ATP7A: variants seen among roughly 807,000 people sequenced by gnomAD.
ATP7A encodes ATPase copper transporting alpha.
Under a neutral mutation model 83.5 loss-of-function variants are expected in ATP7A, and 7 were observed. That is an observed-to-expected ratio of 0.08 (90% CI 0.05 to 0.16). The LOEUF is 0.16. Ranked by LOEUF, ATP7A falls within the 10% of genes least tolerant of loss-of-function variation. The pLI is 1.00. For synonymous variants in ATP7A, 354 were observed against 395.2 expected, an observed-to-expected ratio of 0.90 and a Z score of 1.24; for missense variants, 940 against 1,120.8, an observed-to-expected ratio of 0.84 and a Z score of 2.30.
chrX:78,009,115 C>A lies in ATP7A; in HGVS notation c.1721C>A (p.Thr574Lys), dbSNP rs782076879. 2.5e-6 allele frequency: 3 copies of A among 1,209,446 alleles called. No homozygotes were observed. The highest frequency in any genetic ancestry group is 3.4e-6 in the Non-Finnish European group (3 of 894,362). ...GVLELVVRGM[T>K]CASCVHKIES... ...TGTCTTTAACAGGTGAGGGGAATGACGTGTGCCTCCTGCGTACATAAAATA... is the reference window on the plus strand; with the variant it reads ...TGTCTTTAACAGGTGAGGGGAATGAAGTGTGCCTCCTGCGTACATAAAATA... Residue 574 changes from threonine (T) to lysine (K), a missense_variant, in exon 7 of 23, where the codon ACG becomes AAG. This residue lies in a region of ATP7A where 350 missense variants were observed against 432.8 expected (regional missense o/e 0.81). Transcript: ENST00000341514.
At chrX:77,996,820 A>C (rs1049593502) in intron 4 of ATP7A, among the ~76,000 whole-genome samples, 2 of 111,676 alleles carry the variant, frequency 1.8e-5, no homozygotes, top group Admixed American at 9.6e-5. Context: ...AAGTCTCAAT[A>C]GTAATTATGA....
rs916778078 is a variant in ATP7A, at chrX:78,009,035, A to T, written c.1708-67A>T. 14 of 1,060,379 alleles carry T rather than the reference A, an allele frequency of 1.3e-5. No individual in the cohort carries two copies. The South Asian group carries it at 2.2e-4, about 17-fold the overall frequency. 87.4% of individuals were successfully genotyped at this position (1,060,379 alleles called of 1,213,427 possible). The stretch of plus-strand genomic sequence containing the variant: ...TCTGTCTCAAAAAAAAAAAAAAAAA[A>T]GTGGTAACTCATGTTTAATGGTGGA... On this transcript the variant is annotated intron_variant, in intron 6 of 22. Transcript: ENST00000341514.
chrX:77,975,476 G>A (rs2077571481), intron 2 of ATP7A: 1 of 90,999 alleles, frequency 1.1e-5, no homozygotes, highest in Non-Finnish European at 2.1e-5. Flanking sequence ...TAAATATTAT[G>A]CTTACTTTTT....
At chrX:77,972,255 A>T (rs782396774) in intron 2 of ATP7A, among the ~76,000 whole-genome samples, 39 of 111,127 alleles carry the variant, frequency 3.5e-4, no homozygotes, top group Admixed American at 1.5e-3. Flanking sequence ...GCAGTGGCAA[A>T]ATCACAGCTC....
intron 1 of ATP7A, among the ~76,000 whole-genome samples, chrX:77,950,947 G>A (rs781851427): frequency 8.1e-5 from 9 of 110,616 alleles, no homozygotes; most frequent in Non-Finnish European, 1.7e-4. Context: ...ACTTGAACCC[G>A]AGAGGTGGAG....
chrX:78,038,857 AT>A lies in ATP7A; in HGVS notation c.3534del (p.Tyr1178Ter). On this transcript the variant is annotated frameshift_variant, in exon 18 of 23. Transcript: ENST00000341514. LOFTEE classifies it high-confidence loss of function. The part of the protein sequence containing the change: ...QISNALNAQQ[Y>X]KVLIGNREWM... ...TCAGATGCTCTTAATGCTCAGCAGT[AT>A]AAAGTCCTCATTGGTAACCGGGAGT... 1 of 1,210,905 alleles carries A rather than the reference AT, an allele frequency of 8.3e-7. No homozygotes were observed. Among genetic ancestry groups the A allele is most frequent in the Non-Finnish European group, 1.1e-6 (1 of 894,619 alleles).
At chrX:77,940,827 A>G (rs1557225563) in intron 1 of ATP7A, among the ~76,000 whole-genome samples, 1 of 112,066 alleles carries the variant, frequency 8.9e-6, no homozygotes, top group East Asian at 2.8e-4. Context: ...TTGGAGATAA[A>G]AAACAGATGA....
At chrX:78,023,449 C>T (rs1479719154) in intron 14 of ATP7A, among the ~76,000 whole-genome samples, 2 of 104,989 alleles carry the variant, frequency 1.9e-5, no homozygotes, top group African/African-American at 3.5e-5. Flanking sequence ...TTCTCTGCAT[C>T]GTTGCCAACA....
chrX:77,946,137 A>G (rs549869506), intron 1 of ATP7A, among the ~76,000 whole-genome samples: 1 of 109,659 alleles, frequency 9.1e-6, no homozygotes, highest in African/African-American at 3.3e-5. Flanking sequence ...CCATCTCTAC[A>G]AACAAATCCA....
intron 1 of ATP7A, among the ~76,000 whole-genome samples, chrX:77,946,299 CA>C (rs782508466): frequency 0.017 from 860 of 49,210 alleles, 3 homozygotes; most frequent in African/African-American, 0.023. Context: ...GACTCTGTCT[CA>C]AAAAAAAAAA....
intron 2 of ATP7A, among the ~76,000 whole-genome samples, chrX:77,980,106 T>A (rs1361995247): frequency 8.9e-6 from 1 of 112,459 alleles, no homozygotes; most frequent in African/African-American, 3.2e-5. Flanking sequence ...TATTAACAAA[T>A]TAGTTTGTCC....
intron 15 of ATP7A, among the ~76,000 whole-genome samples, chrX:78,030,983 A>G (rs1475283939): frequency 1.8e-5 from 2 of 110,826 alleles, no homozygotes; most frequent in Non-Finnish European, 1.9e-5. Context: ...GAGCCACCGC[A>G]CCTGGCCATT....
chrX:78,040,392 A>G (rs1310434032), intron 18 of ATP7A, among the ~76,000 whole-genome samples, 199 bp from the exon 19 acceptor site: 1 of 111,295 alleles, frequency 9.0e-6, no homozygotes, highest in Non-Finnish European at 1.9e-5. Flanking sequence ...TCACTCTGAA[A>G]TTTTCATAAC....
At chrX:77,970,743 C>T (rs191010188) in intron 1 of ATP7A, among the ~76,000 whole-genome samples, 73 of 111,975 alleles carry the variant, frequency 6.5e-4, no homozygotes, top group African/African-American at 2.1e-3. Context: ...GTTCAGGCCA[C>T]ACCGAAGGGG....
At chrX:77,982,593 A>C (rs2077611020) in intron 2 of ATP7A, among the ~76,000 whole-genome samples, 1 of 112,722 alleles carries the variant, frequency 8.9e-6, no homozygotes, top group African/African-American at 3.2e-5. Context: ...TGGTTCAAAC[A>C]CTAGAAATAT....
At chrX:77,959,567 A>G (rs1213694457) in intron 1 of ATP7A, among the ~76,000 whole-genome samples, 1 of 111,998 alleles carries the variant, frequency 8.9e-6, no homozygotes, top group Non-Finnish European at 1.9e-5. Flanking sequence ...CTGCACTCTG[A>G]GTTGTGACAA....
At chrX:78,016,600 G>A in intron 12 of ATP7A, among the ~76,000 whole-genome samples, 1 of 112,097 alleles carries the variant, frequency 8.9e-6, no homozygotes, top group South Asian at 3.8e-4. Flanking sequence ...CCAAGATACA[G>A]TGGGGGTGCA....
chrX:78,031,609 G>A (rs1043001077), intron 16 of ATP7A, 27 bp downstream of exon 16: 3 of 1,182,248 alleles, frequency 2.5e-6, no homozygotes, highest in Middle Eastern at 2.3e-4. Flanking sequence ...TTGTTTATTA[G>A]TGTAGTCATC....
intron 16 of ATP7A, 73 bp downstream of exon 16, chrX:78,031,655 T>G: frequency 9.4e-7 from 1 of 1,059,653 alleles, no homozygotes; most frequent in Non-Finnish European, 1.3e-6. Flanking sequence ...TCTAGTCTGG[T>G]GTTTGACTGT....
Sources: gnomAD v4.1 joint callset for allele counts (sites outside exome capture counted in the v4.1 genomes callset) on GRCh38, gnomAD v4.1.1 for gene constraint, gnomAD v4.1.1 regional missense constraint, MANE v1.5 for transcripts, NCBI Gene and HGNC (gene_info 2026-07-23, HGNC 2026-07-21) for gene names.